Variants in MIA2 observed in about 807,000 individuals in gnomAD.
MIA2 encodes the protein MIA SH3 domain ER export factor 2.
MIA2 carries 127 observed loss-of-function variants against 167.8 expected under a neutral mutation model. That is an observed-to-expected ratio of 0.76 (90% CI 0.66 to 0.88). The LOEUF (loss-of-function observed/expected upper bound fraction) is 0.88. Ranked by LOEUF, MIA2 falls within the 40% of genes least tolerant of loss-of-function variation. The probability of loss-of-function intolerance (pLI) is 0.00; values close to 1 mark genes in which losing one functional copy is unlikely to be tolerated. For synonymous variants in MIA2, 552 were observed against 541.9 expected, an observed-to-expected ratio of 1.02 and a Z score of -0.26; for missense variants, 1,690 against 1,624.7, an observed-to-expected ratio of 1.04 and a Z score of -0.69.
At chr14:39,265,919 T>G in intron 6 of MIA2, 1 of 944,304 alleles carries the variant, frequency 1.1e-6, no homozygotes, top group Non-Finnish European at 1.3e-6. Context: ...TAAGCAATTT[T>G]GGCTACTCTG....
At chr14:39,352,151 T>C (rs187662939), downstream of MIA2, among the ~76,000 whole-genome samples, 133 of 152,084 alleles carry the variant, frequency 8.7e-4, 3 homozygotes, top group South Asian at 0.01. Context: ...CAAATTAACC[T>C]TTATTATATC....
At chr14:39,261,836 T>C (rs1381600852) in intron 6 of MIA2, among the ~76,000 whole-genome samples, 1 of 152,140 alleles carries the variant, frequency 6.6e-6, no homozygotes, top group Non-Finnish European at 1.5e-5. Flanking sequence ...TTGATGGGGT[T>C]GTTTATTTTT....
At chr14:39,378,594 G>A (rs1349452265) in intron 23 of MIA2, among the ~76,000 whole-genome samples, 2 of 152,164 alleles carry the variant, frequency 1.3e-5, no homozygotes, top group African/African-American at 4.8e-5. Flanking sequence ...TACTTCTTTG[G>A]CATACAATAG....
intron 23 of MIA2, among the ~76,000 whole-genome samples, chr14:39,358,140 CAG>C (rs1336447485): frequency 6.6e-6 from 1 of 152,164 alleles, no homozygotes; most frequent in Non-Finnish European, 1.5e-5. Flanking sequence ...TAATATCCTG[CAG>C]AGTGTTTTCC....
At chr14:39,361,352 T>A (rs578231882) in intron 23 of MIA2, among the ~76,000 whole-genome samples, 5 of 152,246 alleles carry the variant, frequency 3.3e-5, no homozygotes, top group African/African-American at 9.6e-5. Flanking sequence ...TGTGAAGGCC[T>A]TTCACCTCCT....
chr14:39,304,940 G>A (rs573402465), intron 17 of MIA2, among the ~76,000 whole-genome samples: 10 of 152,046 alleles, frequency 6.6e-5, no homozygotes, highest in Non-Finnish European at 1.3e-4. Flanking sequence ...TTAAAGTTGA[G>A]ATAAATAGCA....
downstream of MIA2, among the ~76,000 whole-genome samples, chr14:39,354,222 AC>A (rs1273237303): frequency 6.6e-6 from 1 of 152,078 alleles, no homozygotes; most frequent in Non-Finnish European, 1.5e-5. Flanking sequence ...CCTTTCCAGC[AC>A]CTGTTGTTTC....
chr14:39,311,910 A>G (rs1269790906), intron 18 of MIA2, among the ~76,000 whole-genome samples: 3 of 149,960 alleles, frequency 2.0e-5, no homozygotes, highest in Admixed American at 6.6e-5. Flanking sequence ...GCTCACTGCA[A>G]CCTCTGCCTC....
chr14:39,357,685 TGTTACA>T (rs2074565317), intron 23 of MIA2, among the ~76,000 whole-genome samples: 1 of 152,208 alleles, frequency 6.6e-6, no homozygotes, highest in Admixed American at 6.5e-5. Context: ...TTGCAGTGGC[TGTTACA>T]GGTTGTTCCT....
chr14:39,312,586 G>A (rs2064516468), intron 18 of MIA2, among the ~76,000 whole-genome samples: 1 of 152,204 alleles, frequency 6.6e-6, no homozygotes, highest in African/African-American at 2.4e-5. Context: ...ATATATTAAT[G>A]ATAGTATGTG....
Position 39,253,138 on chromosome 14 carries a change from T to C in MIA2, c.1854T>C (p.Ser618=). The C allele has an allele frequency of 6.2e-7, 1 of 1,608,476 alleles. No homozygotes were observed. The highest frequency in any genetic ancestry group is 1.1e-5 in the South Asian group (1 of 90,030). ...TTGATGTTTATGATTTCATGAATTC[T>C]GCATTTTCACCAATTGTAATTCTTA... ...FQIDVYDFMN[S]AFSPIVILTE... is the part of the protein sequence containing the mutation. The change falls in exon 6 of 29, where the codon TCT becomes TCC. Residue 618 remains serine, a synonymous_variant. Transcript: ENST00000640607.
intron 23 of MIA2, chr14:39,386,772 T>C: frequency 7.8e-7 from 1 of 1,286,074 alleles, no homozygotes. Flanking sequence ...AAATGCCCGC[T>C]TCTTTGCTTT....
At chr14:39,265,295 T>G (rs746163221) in intron 6 of MIA2, 19 of 930,016 alleles carry the variant, frequency 2.0e-5, no homozygotes, top group Non-Finnish European at 2.9e-5. Flanking sequence ...AACAGAAGAG[T>G]GCAGGATATA....
chr14:39,277,754 A>ATATATATATATATGTGTG (rs1566685497), intron 7 of MIA2, among the ~76,000 whole-genome samples: 1 of 22,240 alleles, frequency 4.5e-5, no homozygotes, highest in Non-Finnish European at 7.5e-5. Context: ...GTGTGTATAT[A>ATATATATATATATGTGTG]TATATATATA....
In MIA2 at chr14:39,346,041, G is replaced by T. The variant is rs1469952538; in HGVS notation, c.3778+15G>T. 6.2e-6 allele frequency: 10 copies of T among 1,604,236 alleles called. No homozygotes were observed. The South Asian group carries it at 1.0e-4, about 16-fold the overall frequency. ...GGATAAAATGGGTAAGAAGTACTTT[G>T]TGCTTTTCTTCTTTAAAAATTTTGG... On this transcript the variant is annotated intron_variant, in intron 26 of 28. Transcript: ENST00000640607.
intron 12 of MIA2, among the ~76,000 whole-genome samples, chr14:39,294,565 T>G (rs1469199637): frequency 2.0e-5 from 3 of 152,150 alleles, no homozygotes; most frequent in Non-Finnish European, 4.4e-5. Context: ...AAGTGTTTAT[T>G]GAGCTATTAC....
chr14:39,277,479 T>G lies in MIA2; in HGVS notation c.2019+414T>G, dbSNP rs549680052. Among the ~76,000 whole-genome samples the G allele has an allele frequency of 2.0e-5, 3 of 151,152 alleles. No individual in the cohort carries two copies. In the East Asian group the frequency reaches 5.9e-4, roughly 30 times the overall value. ...AAGTCGATGCTGCAGTGAGCCATGG[T>G]TGTGACACTGTACTCCAGCCTGGGT... On this transcript the variant is annotated intron_variant, in intron 7 of 28. Transcript: ENST00000640607.
intron 4 of MIA2, among the ~76,000 whole-genome samples, chr14:39,250,503 C>G (rs2054514616): frequency 6.6e-6 from 1 of 151,480 alleles, no homozygotes; most frequent in South Asian, 2.1e-4. Context: ...TGAGACCAGC[C>G]TAGCCAACAT....
Position 39,314,934 on chromosome 14 carries a change from G to A in MIA2, c.3180+135G>A, listed in dbSNP as rs185529422. The A allele has an allele frequency of 1.6e-4, 100 of 614,130 alleles. No homozygotes were observed. The Middle Eastern group carries it at 3.4e-3, about 21-fold the overall frequency. 38.0% of individuals were successfully genotyped at this position (614,130 alleles called of 1,614,324 possible). A position where few individuals can be genotyped will look rare whatever the true frequency, so the allele number is the denominator to read the frequency against. On this transcript the variant is annotated intron_variant, in intron 20 of 28. Coordinates refer to ENST00000640607, the MANE Select transcript of MIA2 (RefSeq NM_001329214.4). ...ATACCTCTTTTGAGGTGTTGCATGT[G>A]GCTGTGGGACATTTCCCAGGAGCCA...
Sources: gnomAD v4.1 joint callset for allele counts (sites outside exome capture counted in the v4.1 genomes callset) on GRCh38, gnomAD v4.1.1 for gene constraint, MANE v1.5 for transcripts, NCBI Gene and HGNC (gene_info 2026-07-23, HGNC 2026-07-21) for gene names.